Variants in VEGFC observed in about 807,000 individuals in gnomAD.
The protein encoded by VEGFC is vascular endothelial growth factor C, also known as FLT4 ligand DHM.
VEGFC carries 12 observed loss-of-function variants against 46.1 expected under a neutral mutation model. The observed-to-expected ratio is 0.26, with a 90% CI of 0.17 to 0.42. VEGFC has a LOEUF of 0.42. VEGFC is among the 10% of genes least tolerant of loss of function. VEGFC has a pLI of 1.00. For synonymous variants in VEGFC, 232 were observed against 195.5 expected, an observed-to-expected ratio of 1.19 and a Z score of -1.56; for missense variants, 488 against 529.4, an observed-to-expected ratio of 0.92 and a Z score of 0.77.
At chr4:176,751,190 C>A (rs942697583) in intron 1 of VEGFC, among the ~76,000 whole-genome samples, 1 of 151,626 alleles carries the variant, frequency 6.6e-6, no homozygotes, top group African/African-American at 2.4e-5. Flanking sequence ...AATATAAACA[C>A]AGAAATAGAG....
At chr4:176,771,564 T>C (rs968325115) in intron 1 of VEGFC, among the ~76,000 whole-genome samples, 4 of 152,220 alleles carry the variant, frequency 2.6e-5, no homozygotes, top group African/African-American at 9.6e-5. Context: ...TGTGAGCTTA[T>C]GTTTTCCATT....
At chr4:176,693,698 A>T (rs1427824792) in intron 4 of VEGFC, among the ~76,000 whole-genome samples, 13 of 144,140 alleles carry the variant, frequency 9.0e-5, no homozygotes, top group African/African-American at 3.7e-4. Context: ...AGTTGAAATG[A>T]AGGAAAAAAT....
chr4:176,707,923 ATG>A (rs927850002), intron 4 of VEGFC, among the ~76,000 whole-genome samples: 13 of 152,072 alleles, frequency 8.5e-5, no homozygotes, highest in African/African-American at 3.1e-4. Flanking sequence ...TGGTGTTTTC[ATG>A]TGTGACTTGA....
At chr4:176,692,211 G>A (rs1263056822) in intron 4 of VEGFC, among the ~76,000 whole-genome samples, 7 of 149,410 alleles carry the variant, frequency 4.7e-5, no homozygotes, top group East Asian at 2.0e-4. Context: ...CGGCTAAAAC[G>A]GTGAAACCCC....
chr4:176,752,746 T>A (rs1312360023), intron 1 of VEGFC, among the ~76,000 whole-genome samples: 1 of 152,028 alleles, frequency 6.6e-6, no homozygotes, highest in Non-Finnish European at 1.5e-5. Flanking sequence ...AATAGGACTT[T>A]CCCATGTTAG....
At chr4:176,692,706 T>G (rs1378329251) in intron 4 of VEGFC, among the ~76,000 whole-genome samples, 1 of 149,100 alleles carries the variant, frequency 6.7e-6, no homozygotes, top group East Asian at 1.9e-4. Flanking sequence ...AGAAGTAACT[T>G]CTGCAGACTT....
intron 3 of VEGFC, among the ~76,000 whole-genome samples, chr4:176,722,717 C>T (rs998219716): frequency 2.0e-5 from 3 of 152,064 alleles, no homozygotes; most frequent in African/African-American, 7.2e-5. Flanking sequence ...CCAGGCTGGT[C>T]TCCAATTCCT....
intron 1 of VEGFC, among the ~76,000 whole-genome samples, chr4:176,733,795 A>T (rs140632145): frequency 2.2e-4 from 34 of 151,946 alleles, no homozygotes; most frequent in African/African-American, 7.9e-4. Flanking sequence ...ATACACATAA[A>T]CTGAGAGCTA....
chr4:176,769,380 G>A lies in VEGFC; in HGVS notation c.147+22785C>T, dbSNP rs115591774. Reference sequence around the variant, plus strand: ...TTGTTTCATTGTGCCTCTCCTGTGTGTCCTCTTGCGGTCTCACCTGTGACC... The same window carrying A: ...TTGTTTCATTGTGCCTCTCCTGTGTATCCTCTTGCGGTCTCACCTGTGACC... On this transcript the variant is annotated intron_variant, in intron 1 of 6. Coordinates refer to ENST00000618562, the MANE Select transcript of VEGFC (RefSeq NM_005429.5). Among the ~76,000 whole-genome samples the A allele has an allele frequency of 9.1e-3, 1,386 of 152,236 alleles. 27 individuals are homozygous for A. The highest frequency in any genetic ancestry group is 0.031 in the African/African-American group (1,278 of 41,538).
chr4:176,729,833 A>G, intron 1 of VEGFC, 87 bp from the exon 2 acceptor site: 4 of 932,306 alleles, frequency 4.3e-6, no homozygotes, highest in South Asian at 3.3e-5. Flanking sequence ...GTTTAATAGT[A>G]TCTATGCTCC....
At chr4:176,750,611 GAAGCAGGA>G (rs1483043138) in intron 1 of VEGFC, among the ~76,000 whole-genome samples, 1 of 151,608 alleles carries the variant, frequency 6.6e-6, no homozygotes, top group East Asian at 1.9e-4. Flanking sequence ...CCCTTCAGGG[GAAGCAGGA>G]ATTTAGTAAA....
chr4:176,777,650 C>T (rs999206997), intron 1 of VEGFC, among the ~76,000 whole-genome samples: 1 of 151,640 alleles, frequency 6.6e-6, no homozygotes, highest in Non-Finnish European at 1.5e-5. Context: ...GGCCAGGCTC[C>T]GTGGCTCACA....
At chr4:176,753,424 G>T (rs915450556) in intron 1 of VEGFC, among the ~76,000 whole-genome samples, 3 of 151,960 alleles carry the variant, frequency 2.0e-5, no homozygotes, top group Non-Finnish European at 2.9e-5. Flanking sequence ...CAGCTCTTTT[G>T]GTCACTGGCA....
intron 1 of VEGFC, among the ~76,000 whole-genome samples, chr4:176,765,832 A>T (rs1195406766): frequency 6.6e-6 from 1 of 152,034 alleles, no homozygotes; most frequent in Non-Finnish European, 1.5e-5. Context: ...GGATTACAGG[A>T]GTGAGCCACC....
At chr4:176,740,163 G>T (rs1579116062) in intron 1 of VEGFC, among the ~76,000 whole-genome samples, 1 of 117,770 alleles carries the variant, frequency 8.5e-6, no homozygotes, top group African/African-American at 3.4e-5. Flanking sequence ...TATATATATA[G>T]AATATATATA....
intron 1 of VEGFC, among the ~76,000 whole-genome samples, chr4:176,736,671 G>A (rs1487645279): frequency 6.6e-6 from 1 of 151,650 alleles, no homozygotes; most frequent in South Asian, 2.1e-4. Context: ...CTCTTTCTTG[G>A]TTGTAAGTAC....
chr4:176,751,788 G>C (rs749046008), intron 1 of VEGFC, among the ~76,000 whole-genome samples: 1 of 151,900 alleles, frequency 6.6e-6, no homozygotes, highest in Non-Finnish European at 1.5e-5. Context: ...TAACTTGGTG[G>C]AGGAAGGGGA....
intron 4 of VEGFC, chr4:176,689,347 C>CAGCA (rs1334982367): frequency 6.6e-6 from 1 of 152,170 alleles, no homozygotes; most frequent in Non-Finnish European, 1.5e-5. Flanking sequence ...GTAACTCTTA[C>CAGCA]AGCATCACAT....
intron 3 of VEGFC, among the ~76,000 whole-genome samples, chr4:176,719,358 A>T (rs1194127855): frequency 6.6e-6 from 1 of 152,016 alleles, no homozygotes; most frequent in African/African-American, 2.4e-5. Context: ...TTCCTTTTAT[A>T]TTTGAAGGAA....
Sources: gnomAD v4.1 joint callset for allele counts (sites outside exome capture counted in the v4.1 genomes callset) on GRCh38, gnomAD v4.1.1 for gene constraint, MANE v1.5 for transcripts, NCBI Gene and HGNC (gene_info 2026-07-23, HGNC 2026-07-21) for gene names.